The following DNM3 variants were observed in gnomAD, a reference collection of about 807,000 sequenced individuals.
DNM3 encodes dynamin 3, also known as dynamin-3.
In DNM3, 47 loss-of-function variants were observed where a neutral mutation model predicts 101.6. The observed-to-expected ratio is 0.46, with a 90% CI of 0.37 to 0.59. DNM3 has a LOEUF of 0.59. Ranked by LOEUF, DNM3 falls within the 20% of genes least tolerant of loss-of-function variation. DNM3 has a pLI of 0.00. For missense variants in DNM3, 849 were observed against 1,085.7 expected (o/e 0.78, Z 3.06); for synonymous variants, 385 against 387.9 (o/e 0.99, Z 0.09).
At chr1:172,049,187 G>C (rs2050030197) in intron 10 of DNM3, among the ~76,000 whole-genome samples, 1 of 152,174 alleles carries the variant, frequency 6.6e-6, no homozygotes, top group Non-Finnish European at 1.5e-5. Context: ...GGGCAGTGTA[G>C]TGTAGTGGAT....
At chr1:172,214,128 G>A (rs1156357417) in intron 14 of DNM3, among the ~76,000 whole-genome samples, 1 of 152,048 alleles carries the variant, frequency 6.6e-6, no homozygotes, top group Admixed American at 6.6e-5. Flanking sequence ...CTGACAGAAA[G>A]CATTTTTTCT....
rs1184201502 is a variant in DNM3, at chr1:172,059,250, G to A, written c.1336-9569G>A. Among the ~76,000 whole-genome samples, 6 of 136,228 alleles carry A rather than the reference G, an allele frequency of 4.4e-5. No individual in the cohort carries two copies. The South Asian group carries it at 1.3e-3, about 30-fold the overall frequency. The allele number at this position is 136,228 out of a possible 152,430, so 89.4% of individuals were successfully genotyped here. On this transcript the variant is annotated intron_variant, in intron 10 of 20. Transcript: ENST00000627582. ...TCCAGGACCAGATGGATTCACAGCC[G>A]AATTCTACCAGAGGTACAAGGAGGA...
intron 1 of DNM3, among the ~76,000 whole-genome samples, chr1:171,862,189 A>G (rs755516214): frequency 1.3e-5 from 2 of 152,184 alleles, no homozygotes; most frequent in Non-Finnish European, 2.9e-5. Context: ...CAAAAGTTAA[A>G]CATAGTTATC....
At chr1:171,952,526 T>C (rs1040408725) in intron 2 of DNM3, among the ~76,000 whole-genome samples, 1 of 152,110 alleles carries the variant, frequency 6.6e-6, no homozygotes, top group African/African-American at 2.4e-5. Context: ...TCCCTTTCCA[T>C]CACGGCTGAG....
intron 1 of DNM3, among the ~76,000 whole-genome samples, chr1:171,920,794 C>A (rs1315450457): frequency 6.6e-6 from 1 of 152,192 alleles, no homozygotes; most frequent in Non-Finnish European, 1.5e-5. Flanking sequence ...AAAATATGAT[C>A]TTTATCAAAA....
At chr1:171,901,429 T>C (rs1330789944) in intron 1 of DNM3, among the ~76,000 whole-genome samples, 2 of 151,914 alleles carry the variant, frequency 1.3e-5, no homozygotes, top group Non-Finnish European at 2.9e-5. Flanking sequence ...CAGAGCCCAC[T>C]CAGCTCCACA....
At chr1:172,290,679 A>ACT (rs1325950658) in intron 15 of DNM3, among the ~76,000 whole-genome samples, 1 of 152,142 alleles carries the variant, frequency 6.6e-6, no homozygotes, top group Non-Finnish European at 1.5e-5. Context: ...AGTTGTGATA[A>ACT]TCATCCCAAT....
intron 10 of DNM3, among the ~76,000 whole-genome samples, chr1:172,053,814 A>G (rs1355320206): frequency 6.6e-6 from 1 of 152,082 alleles, no homozygotes; most frequent in African/African-American, 2.4e-5. Flanking sequence ...TATACTTTCA[A>G]TATCTTTTAT....
chr1:172,297,564 A>G (rs1012987706), intron 15 of DNM3, among the ~76,000 whole-genome samples: 1 of 152,102 alleles, frequency 6.6e-6, no homozygotes, highest in African/African-American at 2.4e-5. Flanking sequence ...AAATCATTTT[A>G]TAATTTATCT....
At chr1:171,949,796 G>A (rs1025396025) in intron 2 of DNM3, among the ~76,000 whole-genome samples, 15 of 152,110 alleles carry the variant, frequency 9.9e-5, no homozygotes, top group South Asian at 2.1e-4. Flanking sequence ...ACTAGGATGC[G>A]GAGGAACTGG....
chr1:171,960,838 AG>A (rs1337878689), intron 2 of DNM3, among the ~76,000 whole-genome samples: 1 of 152,120 alleles, frequency 6.6e-6, no homozygotes. Flanking sequence ...GTGAGGTGGT[AG>A]TTAGATTGTA....
chr1:171,925,504 A>G lies in DNM3; in HGVS notation c.235+3683A>G, dbSNP rs546733239. Among the ~76,000 whole-genome samples the G allele has an allele frequency of 2.0e-5, 3 of 152,158 alleles. No homozygotes were observed. The South Asian group carries it at 6.2e-4, about 32-fold the overall frequency. Reference sequence around the variant, plus strand: ...CTTGGCCTCCCAAAGTGCTGGGATTACAGGTGTGAGCCACCGTGCCTGGCC... The same window carrying G: ...CTTGGCCTCCCAAAGTGCTGGGATTGCAGGTGTGAGCCACCGTGCCTGGCC... On this transcript the variant is annotated intron_variant, in intron 2 of 20. Coordinates refer to ENST00000627582, the MANE Select transcript of DNM3 (RefSeq NM_015569.5).
At chr1:172,308,699 A>G (rs1401241649) in intron 15 of DNM3, 29 bp from the exon 16 acceptor site, 7 of 1,318,976 alleles carry the variant, frequency 5.3e-6, no homozygotes, top group Non-Finnish European at 7.3e-6. Flanking sequence ...TCAAACTAAA[A>G]GCATGATTTT....
chr1:172,336,471 A>G (rs898700200), intron 17 of DNM3, among the ~76,000 whole-genome samples: 50 of 147,992 alleles, frequency 3.4e-4, no homozygotes, highest in Non-Finnish European at 6.4e-4. Context: ...GGAAATACAC[A>G]ATTAAAGGTT....
intron 10 of DNM3, among the ~76,000 whole-genome samples, chr1:172,061,008 A>G (rs2051137491): frequency 8.6e-6 from 1 of 116,504 alleles, no homozygotes; most frequent in Non-Finnish European, 1.7e-5. Flanking sequence ...CAAGAAAAAA[A>G]CAAACAACCC....
At chr1:171,964,304 A>C (rs1475028239) in intron 2 of DNM3, among the ~76,000 whole-genome samples, 1 of 152,108 alleles carries the variant, frequency 6.6e-6, no homozygotes, top group Non-Finnish European at 1.5e-5. Flanking sequence ...CTGCTACTGG[A>C]GGCTTCACCT....
intron 13 of DNM3, among the ~76,000 whole-genome samples, chr1:172,114,053 T>C (rs1315644727): frequency 1.3e-5 from 2 of 152,150 alleles, no homozygotes; most frequent in Non-Finnish European, 2.9e-5. Flanking sequence ...GTGGAAAAGA[T>C]AGAAAATGAA....
chr1:172,075,707 G>T (rs1007423176), intron 11 of DNM3, among the ~76,000 whole-genome samples: 4 of 152,142 alleles, frequency 2.6e-5, no homozygotes, highest in African/African-American at 9.7e-5. Context: ...TGCTGTTGTG[G>T]TTACCAAAGC....
chr1:172,367,966 G>C (rs1408529675), intron 17 of DNM3, among the ~76,000 whole-genome samples: 2 of 151,764 alleles, frequency 1.3e-5, no homozygotes, highest in Admixed American at 1.3e-4. Context: ...TTTATAAGGG[G>C]CATCCCCCTT....
Sources: allele counts gnomAD v4.1 joint callset (sites outside exome capture counted in the v4.1 genomes callset), GRCh38; gene constraint gnomAD v4.1.1; transcripts MANE v1.5; gene names NCBI Gene and HGNC (gene_info 2026-07-23, HGNC 2026-07-21).